SCNN1B: variants seen among roughly 807,000 people sequenced by gnomAD.
The protein encoded by SCNN1B is sodium channel epithelial 1 subunit beta.
A neutral mutation model predicts 65.3 loss-of-function variants in SCNN1B; 46 were observed. The observed-to-expected ratio is 0.70, with a 90% CI of 0.56 to 0.90. The LOEUF is 0.90. Ranked by LOEUF, SCNN1B falls within the 40% of genes least tolerant of loss-of-function variation. The pLI, the probability that SCNN1B is intolerant of heterozygous loss-of-function variation, is 0.00. For synonymous variants in SCNN1B, 349 were observed against 330.6 expected, an observed-to-expected ratio of 1.06 and a Z score of -0.60; for missense variants, 751 against 830.5, an observed-to-expected ratio of 0.90 and a Z score of 1.18.
chr16:23,344,462 G>A (rs1449292414), intron 1 of SCNN1B, among the ~76,000 whole-genome samples: 3 of 152,256 alleles, frequency 2.0e-5, no homozygotes, highest in African/African-American at 7.2e-5. Context: ...TGGCTTTGGG[G>A]TGCTAGACTA....
At chr16:23,361,410 G>A (rs1311418701) in intron 4 of SCNN1B, among the ~76,000 whole-genome samples, 3 of 152,314 alleles carry the variant, frequency 2.0e-5, no homozygotes, top group African/African-American at 7.2e-5. Context: ...ACTACGCTCA[G>A]GGGAAGGGGA....
In SCNN1B at chr16:23,371,360, C is replaced by T. The variant is rs368935936; in HGVS notation, c.942C>T (p.Ala314=). The change falls in exon 6 of 13, where the codon GCC becomes GCT. Residue 314 remains alanine, a synonymous_variant. Coordinates refer to ENST00000343070, the MANE Select transcript of SCNN1B (RefSeq NM_000336.3). ...ACGTCCCCTTCCTTGCGTCCACGGCCGGGGTCAGGCTGATGCTTCACGAGC... is the reference window on the plus strand; with the variant it reads ...ACGTCCCCTTCCTTGCGTCCACGGCTGGGGTCAGGCTGATGCTTCACGAGC... ...EDYVPFLAST[A]GVRLMLHEQR... is the part of the protein sequence containing the mutation. 28 of 1,614,110 alleles carry T rather than the reference C, an allele frequency of 1.7e-5. No individual in the cohort carries two copies. The highest frequency in any genetic ancestry group is 1.3e-4 in the Admixed American group (8 of 60,012).
intron 2 of SCNN1B, among the ~76,000 whole-genome samples, chr16:23,290,395 C>A (rs1027758202): frequency 2.0e-5 from 3 of 152,162 alleles, no homozygotes; most frequent in Non-Finnish European, 4.4e-5. Flanking sequence ...GCAGCCTCAA[C>A]CTCCTGGGCT....
intron 1 of SCNN1B, among the ~76,000 whole-genome samples, chr16:23,278,900 A>G (rs1040415298): frequency 2.0e-5 from 3 of 151,894 alleles, no homozygotes; most frequent in Admixed American, 6.6e-5. Context: ...TGATCGTACC[A>G]CTGCACTCCA....
Position 23,371,453 on chromosome 16 carries a change from G to A in SCNN1B, c.1035G>A (p.Gly345=), listed in dbSNP as rs1596882654. ...YAMSGTETSI[G]VLVDKLQRMG... The stretch of plus-strand genomic sequence containing the variant: ...TGTCGGGGACAGAGACGTCCATCGG[G>A]GTACTCGTGGTATGGCCGGAGCCCA... The change falls in exon 6 of 13, where the codon GGG becomes GGA. Residue 345 remains glycine (G), a synonymous_variant. Coordinates refer to ENST00000343070, the MANE Select transcript of SCNN1B (RefSeq NM_000336.3). The A allele has an allele frequency of 6.2e-7, 1 of 1,613,758 alleles. No homozygotes were observed. Among genetic ancestry groups the A allele is most frequent in the Non-Finnish European group, 8.5e-7 (1 of 1,179,992 alleles).
chr16:23,341,856 T>C (rs1373142162), intron 1 of SCNN1B, among the ~76,000 whole-genome samples: 6 of 152,172 alleles, frequency 3.9e-5, no homozygotes, highest in Non-Finnish European at 7.3e-5. Flanking sequence ...GTGGAGAGAT[T>C]AGAACTCTCA....
At chr16:23,343,631 G>GA (rs1030067732) in intron 1 of SCNN1B, among the ~76,000 whole-genome samples, 1 of 103,576 alleles carries the variant, frequency 9.7e-6, no homozygotes, top group African/African-American at 3.9e-5. Context: ...AAGAAAGAAA[G>GA]AAAGAAAGAA....
At chr16:23,303,164 GTCTGGGATATAGTACAGGGACAT>G (rs1267816315) in intron 1 of SCNN1B, among the ~76,000 whole-genome samples, 1 of 152,168 alleles carries the variant, frequency 6.6e-6, no homozygotes, top group African/African-American at 2.4e-5. Context: ...GAGGGAAAGG[GTCTGGGATATAGTACAGGGACAT>G]TCTCACTCTA....
chr16:23,314,821 C>T (rs922447515), intron 1 of SCNN1B, among the ~76,000 whole-genome samples: 1 of 152,234 alleles, frequency 6.6e-6, no homozygotes, highest in Non-Finnish European at 1.5e-5. Flanking sequence ...TCCCTGGAGG[C>T]CTGGCTTCCT....
intron 1 of SCNN1B, among the ~76,000 whole-genome samples, chr16:23,341,754 C>T (rs926135713): frequency 2.0e-5 from 3 of 152,062 alleles, no homozygotes; most frequent in Admixed American, 6.6e-5. Context: ...ATCAGGAAAA[C>T]GCAAATTGAA....
chr16:23,359,360 G>T (rs113469012), intron 4 of SCNN1B: 3,026 of 152,380 alleles, frequency 0.02, 64 homozygotes, highest in Admixed American at 0.05. Context: ...CAGAAAGGGT[G>T]ATCGTCATCT....
At chr16:23,298,830 A>G (rs1961033349), upstream of SCNN1B, among the ~76,000 whole-genome samples, 1 of 152,190 alleles carries the variant, frequency 6.6e-6, no homozygotes, top group Non-Finnish European at 1.5e-5. Flanking sequence ...AACATCAACC[A>G]GTCTGGAGTT....
intron 1 of SCNN1B, among the ~76,000 whole-genome samples, chr16:23,332,254 G>A (rs1399638386): frequency 6.6e-6 from 1 of 151,612 alleles, no homozygotes; most frequent in Non-Finnish European, 1.5e-5. Flanking sequence ...GGAGTGCAGT[G>A]GTGTGATCTC....
At chr16:23,335,750 A>AT (rs56950176) in intron 1 of SCNN1B, among the ~76,000 whole-genome samples, 9,705 of 146,468 alleles carry the variant, frequency 0.066, 1,035 homozygotes, top group African/African-American at 0.22. Flanking sequence ...CCCGGCCTCT[A>AT]TTTTTTTTTT....
At chr16:23,300,134 T>A (rs1961052746), upstream of SCNN1B, among the ~76,000 whole-genome samples, 1 of 152,052 alleles carries the variant, frequency 6.6e-6, no homozygotes, top group Non-Finnish European at 1.5e-5. Flanking sequence ...AAGTGGGAGT[T>A]GAACAATGAG....
intron 1 of SCNN1B, among the ~76,000 whole-genome samples, chr16:23,308,671 G>A (rs1961272852): frequency 6.6e-6 from 1 of 152,100 alleles, no homozygotes; most frequent in Admixed American, 6.6e-5. Context: ...GAGTCTGACT[G>A]TCACCCAGAC....
chr16:23,291,606 G>A (rs1396177796), intron 2 of SCNN1B, among the ~76,000 whole-genome samples: 1 of 150,954 alleles, frequency 6.6e-6, no homozygotes, highest in African/African-American at 2.4e-5. Context: ...ACAGGGTCTC[G>A]CTCTGTTGCC....
At chr16:23,323,908 T>G (rs2090292341) in intron 1 of SCNN1B, among the ~76,000 whole-genome samples, 1 of 152,178 alleles carries the variant, frequency 6.6e-6, no homozygotes, top group African/African-American at 2.4e-5. Flanking sequence ...ATTAAGTATC[T>G]AAACTCAGCA....
chr16:23,363,347 C>T (rs905370032), intron 4 of SCNN1B, among the ~76,000 whole-genome samples: 1 of 152,126 alleles, frequency 6.6e-6, no homozygotes, highest in African/African-American at 2.4e-5. Flanking sequence ...TGTAACCATC[C>T]CAAAGCTCAC....
Sources: gnomAD v4.1 joint callset for allele counts (sites outside exome capture counted in the v4.1 genomes callset) on GRCh38, gnomAD v4.1.1 for gene constraint, MANE v1.5 for transcripts, NCBI Gene and HGNC (gene_info 2026-07-23, HGNC 2026-07-21) for gene names.